Variants in ABR observed in about 807,000 individuals in gnomAD.
The protein encoded by ABR is active breakpoint cluster region-related protein.
In ABR, 35 loss-of-function variants were observed where a neutral mutation model predicts 107.2. That is an observed-to-expected ratio of 0.33 (90% CI 0.25 to 0.43). The LOEUF (loss-of-function observed/expected upper bound fraction) is 0.43. Among genes scored for constraint, ABR ranks in the 20% least tolerant of loss-of-function variants. The probability of loss-of-function intolerance (pLI) is 1.00; values close to 1 mark genes in which losing one functional copy is unlikely to be tolerated. For synonymous variants in ABR, 498 were observed against 462.0 expected, an observed-to-expected ratio of 1.08 and a Z score of -1.00; for missense variants, 815 against 1,115.2, an observed-to-expected ratio of 0.73 and a Z score of 3.83.
chr17:1,053,670 C>T (rs895387348), intron 14 of ABR, among the ~76,000 whole-genome samples: 4 of 152,070 alleles, frequency 2.6e-5, no homozygotes, highest in African/African-American at 4.8e-5. Context: ...TCAGGGGTGG[C>T]GGCGGCGAAG....
chr17:1,208,255 G>A lies in ABR; in HGVS notation c.838+20538C>T, dbSNP rs190685795. Among the ~76,000 whole-genome samples, 34 of 152,258 alleles carry A rather than the reference G, an allele frequency of 2.2e-4. No individual in the cohort carries two copies. The East Asian group carries it at 6.2e-3, about 28-fold the overall frequency. On this transcript the variant is annotated intron_variant, in intron 1 of 22. Coordinates refer to the ABR transcript ENST00000574139. The stretch of plus-strand genomic sequence containing the variant: ...AACTTGTTCTTCCTGGCCTTCCTGG[G>A]CAACTGACACACAGGAGGCAGCTCT...
At chr17:1,026,603 A>C (rs2072216302) in intron 16 of ABR, among the ~76,000 whole-genome samples, 1 of 152,122 alleles carries the variant, frequency 6.6e-6, no homozygotes, top group Non-Finnish European at 1.5e-5. Flanking sequence ...TCCAGGGCCC[A>C]TCCTGGAGGG....
At chr17:1,130,480 A>G (rs2039778017) in intron 1 of ABR, among the ~76,000 whole-genome samples, 1 of 151,874 alleles carries the variant, frequency 6.6e-6, no homozygotes, top group Non-Finnish European at 1.5e-5. Flanking sequence ...ACTTAGGGAC[A>G]CAGCCCCGCT....
intron 1 of ABR, among the ~76,000 whole-genome samples, chr17:1,168,142 C>T (rs1038408260): frequency 3.3e-5 from 5 of 152,164 alleles, no homozygotes; most frequent in East Asian, 1.9e-4. Context: ...CAAAATTAGC[C>T]GGGCATGGTG....
At position 1,091,752 on chromosome 17, in the gene ABR, C is replaced by T. The variant is rs2037045113; in HGVS notation, c.444G>A (p.Glu148=). The change falls in exon 4 of 23, where the codon GAG becomes GAA. Residue 148 remains glutamate (E), a synonymous_variant. Transcript: ENST00000302538. ...TIFYKIQDIY[E]IHKEFYDNLC... is the part of the protein sequence containing the mutation. Reference sequence around the variant, plus strand: ...GGTTGTCATAGAACTCCTTGTGGATCTCATAGATGTCCTGGATCTTGTAGA... The same window carrying T: ...GGTTGTCATAGAACTCCTTGTGGATTTCATAGATGTCCTGGATCTTGTAGA... 1.2e-6 allele frequency: 2 copies of T among 1,614,058 alleles called. No individual in the cohort carries two copies. The highest frequency in any genetic ancestry group is 1.7e-6 in the Non-Finnish European group (2 of 1,180,044).
intron 10 of ABR, among the ~76,000 whole-genome samples, chr17:1,062,392 G>T (rs2034087317): frequency 2.7e-5 from 4 of 146,594 alleles, no homozygotes; most frequent in Non-Finnish European, 4.5e-5. Context: ...GGCTATGCAT[G>T]TTCCTCTAGA....
At chr17:1,022,988 TGCCCCACGTCCGCTCCAGAGCCTCTGCCG>T (rs2071816125) in intron 16 of ABR, among the ~76,000 whole-genome samples, 1 of 145,512 alleles carries the variant, frequency 6.9e-6, no homozygotes, top group Non-Finnish European at 1.5e-5. Context: ...CACCTCTGCC[TGCCCCACGTCCGCTCCAGAGCCTCTGCCG>T]GCCCCACGTC....
At chr17:1,188,995 G>A (rs754138883), upstream of ABR, among the ~76,000 whole-genome samples, 1 of 152,134 alleles carries the variant, frequency 6.6e-6, no homozygotes, top group African/African-American at 2.4e-5. Flanking sequence ...GTGAAACCTC[G>A]TGACTCCTAA....
At chr17:1,146,855 G>A (rs2040570514) in intron 1 of ABR, among the ~76,000 whole-genome samples, 1 of 64,950 alleles carries the variant, frequency 1.5e-5, no homozygotes, top group African/African-American at 4.7e-5. Context: ...GGCCACCACT[G>A]CCACCACTGC....
intron 1 of ABR, among the ~76,000 whole-genome samples, chr17:1,137,019 CTCTCTCTCTT>C (rs1369966526): frequency 2.2e-5 from 2 of 90,318 alleles, no homozygotes; most frequent in East Asian, 2.9e-4. Context: ...TTTTCTCTCT[CTCTCTCTCTT>C]TCTCTCTTCC....
intron 1 of ABR, among the ~76,000 whole-genome samples, chr17:1,225,918 C>T (rs773396088): frequency 6.6e-6 from 1 of 152,120 alleles, no homozygotes; most frequent in Non-Finnish European, 1.5e-5. Flanking sequence ...GGTTTAATTC[C>T]GTGTTTTCAA....
intron 16 of ABR, among the ~76,000 whole-genome samples, chr17:1,018,277 C>A (rs1003306299): frequency 6.7e-6 from 1 of 149,852 alleles, no homozygotes; most frequent in Non-Finnish European, 1.5e-5. Context: ...CTCCTGACCT[C>A]GTGATTCGCC....
chr17:1,018,261 C>T (rs977756137), intron 16 of ABR, among the ~76,000 whole-genome samples: 2 of 151,532 alleles, frequency 1.3e-5, no homozygotes, highest in Non-Finnish European at 2.9e-5. Context: ...CCAGGATGGT[C>T]TTGATCTCCT....
intron 1 of ABR, among the ~76,000 whole-genome samples, chr17:1,143,507 TCCTGGGGGACAGCTC>T (rs2040399989): frequency 3.0e-5 from 1 of 33,734 alleles, no homozygotes; most frequent in Non-Finnish European, 1.1e-4. Context: ...GGCAGCTCGC[TCCTGGGGGACAGCTC>T]GCTCCTGGGG....
chr17:1,063,038 A>G lies in ABR; in HGVS notation c.1182+4039T>C, dbSNP rs1195010158. 2.0e-4 allele frequency among the ~76,000 whole-genome samples: 28 copies of G among 137,282 alleles called. No individual in the cohort carries two copies. In the East Asian group the frequency reaches 2.6e-3, roughly 13 times the overall value. The allele number at this position is 137,282 out of a possible 152,430, so 90.1% of individuals were successfully genotyped here. On this transcript the variant is annotated intron_variant, in intron 10 of 22. Transcript: ENST00000302538. ...AACTGAGGGCTATGCATGTTCCTCT[A>G]GACGCTGTTGTTATGTGAACTGAGG...
chr17:1,178,832 A>G (rs11651840), intron 1 of ABR, among the ~76,000 whole-genome samples: 51,210 of 147,968 alleles, frequency 0.35, 9,205 homozygotes, highest in Middle Eastern at 0.45. Flanking sequence ...CCTTTCTAGC[A>G]ACGGAGCAGG....
intron 1 of ABR, among the ~76,000 whole-genome samples, chr17:1,138,019 G>C (rs2040150566): frequency 1.3e-5 from 2 of 151,360 alleles, no homozygotes; most frequent in African/African-American, 4.9e-5. Context: ...TCCTGCCTCA[G>C]CCTCCTGAGT....
chr17:1,012,964 G>T, intron 17 of ABR, 141 bp downstream of exon 17: 1 of 1,122,518 alleles, frequency 8.9e-7, no homozygotes, highest in Non-Finnish European at 1.3e-6. Flanking sequence ...GTGTGGGCAG[G>T]AGGGGAGAGG....
rs1225742207 is a variant in ABR at position 1,027,266 on chromosome 17, C to A, written c.1792-14102G>T. On this transcript the variant is annotated intron_variant, in intron 16 of 22. Coordinates refer to ENST00000302538, the MANE Select transcript of ABR (RefSeq NM_021962.5). This position sits in a 1 kb window ranked among gnomAD's most constrained non-coding sequence, Gnocchi z 4.7. ...CGCTGGCTGGCCAAGCCGTCTGTGG[C>A]CTGCAGGGAGGCCGGGGAGGACCAG... is the stretch of plus-strand genomic sequence containing the variant. 6.6e-6 allele frequency among the ~76,000 whole-genome samples: 1 copy of A among 152,130 alleles called. No homozygotes were observed. Among genetic ancestry groups the A allele is most frequent in the Non-Finnish European group, 1.5e-5 (1 of 68,028 alleles).
Sources: allele counts gnomAD v4.1 joint callset (sites outside exome capture counted in the v4.1 genomes callset), GRCh38; gene constraint gnomAD v4.1.1; non-coding constraint Gnocchi (gnomAD v3.1); transcripts MANE v1.5; gene names NCBI Gene and HGNC (gene_info 2026-07-23, HGNC 2026-07-21).